The following TENM3 variants were observed in gnomAD, a reference collection of about 807,000 sequenced individuals.
The protein encoded by TENM3 is teneurin transmembrane protein 3, also known as teneurin-3.
A neutral mutation model predicts 255.1 loss-of-function variants in TENM3; 63 were observed. The ratio of observed to expected loss-of-function variants is 0.25; its 90% confidence interval spans 0.20 to 0.30. The LOEUF (loss-of-function observed/expected upper bound fraction) is 0.30, where lower values mean the gene tolerates loss of function less well. Among genes scored for constraint, TENM3 ranks in the 10% least tolerant of loss-of-function variants. The probability of loss-of-function intolerance (pLI) is 1.00; values close to 1 mark genes in which losing one functional copy is unlikely to be tolerated. For synonymous variants in TENM3, 1,306 were observed against 1,322.3 expected (o/e 0.99, Z 0.27); for missense variants, 2,929 against 3,461.1 (o/e 0.85, Z 3.86).
the TENM3 span, among the ~76,000 whole-genome samples, chr4:181,721,195 G>A: frequency 2.6e-5 from 4 of 152,042 alleles, no homozygotes; most frequent in African/African-American, 7.2e-5. Context: ...CATTCTGGAA[G>A]GCTGGAGAGT....
At chr4:182,797,284 A>T (rs571364201) in intron 27 of TENM3, among the ~76,000 whole-genome samples, 3 of 152,196 alleles carry the variant, frequency 2.0e-5, no homozygotes, top group Non-Finnish European at 4.4e-5. Context: ...TACTAAAAAT[A>T]CAAAATTAGC....
At chr4:181,634,261 C>A in the TENM3 span, among the ~76,000 whole-genome samples, 1 of 152,192 alleles carries the variant, frequency 6.6e-6, no homozygotes, top group South Asian at 2.1e-4. Flanking sequence ...AAAGTTCGCC[C>A]TGTGTAAGAA....
the TENM3 span, among the ~76,000 whole-genome samples, chr4:181,693,361 C>A: frequency 6.6e-6 from 1 of 152,152 alleles, no homozygotes; most frequent in Non-Finnish European, 1.5e-5. Context: ...GGTTCATTTG[C>A]ATCTAATCAG....
chr4:182,676,922 C>T (rs541587793), intron 7 of TENM3, among the ~76,000 whole-genome samples: 103 of 152,266 alleles, frequency 6.8e-4, no homozygotes, highest in African/African-American at 2.3e-3. Context: ...ATGGCTCCCG[C>T]GGACTAGTGC....
At chr4:182,067,684 G>A in the TENM3 span, among the ~76,000 whole-genome samples, 5 of 152,268 alleles carry the variant, frequency 3.3e-5, no homozygotes, top group African/African-American at 9.6e-5. Flanking sequence ...ACTCTCTCTT[G>A]CTGGAATATT....
chr4:182,066,599 A>AAAAAATATATAT, the TENM3 span, among the ~76,000 whole-genome samples: 95 of 137,100 alleles, frequency 6.9e-4, no homozygotes, highest in African/African-American at 2.7e-3. Flanking sequence ...GTAAAAAAAA[A>AAAAAATATATAT]ATATATATAT....
At chr4:182,352,377 C>A (rs1314554696) in intron 3 of TENM3, among the ~76,000 whole-genome samples, 4 of 152,070 alleles carry the variant, frequency 2.6e-5, no homozygotes, top group African/African-American at 9.7e-5. Flanking sequence ...CCCCTCCTGG[C>A]CAAAGAAAAT....
chr4:182,381,797 G>A (rs1203938767), intron 3 of TENM3, among the ~76,000 whole-genome samples: 1 of 152,176 alleles, frequency 6.6e-6, no homozygotes, highest in Admixed American at 6.5e-5. Flanking sequence ...CCGACCTCAG[G>A]TGATCTGCCC....
chr4:182,172,133 C>T (rs116400484), intron 1 of TENM3, among the ~76,000 whole-genome samples: 2,871 of 151,986 alleles, frequency 0.019, 100 homozygotes, highest in African/African-American at 0.064. Flanking sequence ...AAATGTCTGT[C>T]GTGTTGTACA....
the TENM3 span, among the ~76,000 whole-genome samples, chr4:182,132,957 C>T: frequency 0.41 from 62,354 of 151,896 alleles, 13,005 homozygotes; most frequent in Admixed American, 0.51. Context: ...TTATGAGGAC[C>T]ACATGAGACA....
chr4:181,548,465 G>A, the TENM3 span, among the ~76,000 whole-genome samples: 1 of 152,120 alleles, frequency 6.6e-6, no homozygotes. Context: ...TAAACACCAT[G>A]GAATACTATG....
intron 1 of TENM3, among the ~76,000 whole-genome samples, chr4:182,249,854 G>T (rs1055260243): frequency 6.6e-6 from 1 of 151,300 alleles, no homozygotes; most frequent in Non-Finnish European, 1.5e-5. Context: ...AGCCTCACAC[G>T]CCTGAGCTCA....
intron 4 of TENM3, 34 bp downstream of exon 4, chr4:182,601,195 A>C: frequency 6.5e-7 from 1 of 1,543,736 alleles, no homozygotes; most frequent in Non-Finnish European, 9.0e-7. Context: ...AGCTAGCCCA[A>C]CCCTTTTCTC....
intron 23 of TENM3, 55 bp downstream of exon 23, chr4:182,773,702 G>T: frequency 6.7e-7 from 1 of 1,502,352 alleles, no homozygotes; most frequent in South Asian, 1.3e-5. Flanking sequence ...GACAGAATGC[G>T]GCAACACCCA....
At position 182,448,856 on chromosome 4, in the gene TENM3, G is replaced by T. The variant is rs907434947; in HGVS notation, c.511+101927G>T. 2.7e-4 allele frequency: 49 copies of T among 181,062 alleles called. 1 individual carries two copies. Among genetic ancestry groups the T allele is most frequent in the Non-Finnish European group, 3.6e-4 (32 of 89,374 alleles). 11.2% of individuals were successfully genotyped at this position (181,062 alleles called of 1,614,324 possible). On this transcript the variant is annotated intron_variant, in intron 3 of 27. Coordinates refer to ENST00000511685, the MANE Select transcript of TENM3 (RefSeq NM_001080477.4). ...GCGGCCGAGCCGGGGCGCTGGGCGC[G>T]GGGCTGGCGGGAGGCGGCGGTGGCG...
the TENM3 span, among the ~76,000 whole-genome samples, chr4:181,753,930 G>A: frequency 3.9e-5 from 6 of 152,116 alleles, no homozygotes; most frequent in Non-Finnish European, 8.8e-5. Flanking sequence ...GGCAACACTG[G>A]GGGGAGTTAA....
At chr4:182,352,413 G>A (rs1357563047) in intron 3 of TENM3, among the ~76,000 whole-genome samples, 1 of 152,034 alleles carries the variant, frequency 6.6e-6, no homozygotes, top group Admixed American at 6.6e-5. Flanking sequence ...TCCCTCAAAG[G>A]CATGTTACTT....
At chr4:182,663,543 T>A (rs1158213019) in intron 6 of TENM3, among the ~76,000 whole-genome samples, 1 of 152,154 alleles carries the variant, frequency 6.6e-6, no homozygotes, top group African/African-American at 2.4e-5. Flanking sequence ...CTGAAATGAA[T>A]GGGAACTTTT....
At chr4:182,010,158 C>A in the TENM3 span, among the ~76,000 whole-genome samples, 4 of 152,298 alleles carry the variant, frequency 2.6e-5, no homozygotes, top group South Asian at 2.1e-4. Flanking sequence ...CCCCGCCCCC[C>A]AAAAATATTT....
Sources: allele counts gnomAD v4.1 joint callset (sites outside exome capture counted in the v4.1 genomes callset), GRCh38; gene constraint gnomAD v4.1.1; transcripts MANE v1.5; gene names NCBI Gene and HGNC (gene_info 2026-07-23, HGNC 2026-07-21).